The following RPL19 variants were observed in gnomAD, a reference collection of about 807,000 sequenced individuals.
The protein encoded by RPL19 is large ribosomal subunit protein eL19.
A neutral mutation model predicts 25.1 loss-of-function variants in RPL19; 2 were observed. The ratio of observed to expected loss-of-function variants is 0.08; its 90% CI spans 0.03 to 0.25. The LOEUF is 0.25. Ranked by LOEUF, RPL19 falls within the 10% of genes least tolerant of loss-of-function variation. The pLI is 1.00. For synonymous variants in RPL19, 89 were observed against 91.2 expected (o/e 0.98, Z 0.14); for missense variants, 123 against 271.8 (o/e 0.45, Z 3.85).
At chr17:39,203,649 C>T (rs1223425920) in intron 4 of RPL19, among the ~76,000 whole-genome samples, 1 of 151,920 alleles carries the variant, frequency 6.6e-6, no homozygotes, top group Non-Finnish European at 1.5e-5. Context: ...CCTGGGATTA[C>T]AGGCATGTAC....
intron 3 of RPL19, 149 bp from the exon 4 acceptor site, chr17:39,202,840 A>G (rs1281472419): frequency 4.7e-6 from 4 of 848,836 alleles, no homozygotes; most frequent in Admixed American, 2.6e-5. Flanking sequence ...AGTTGGGATC[A>G]TCATCTGGAA....
chr17:39,200,522 G>A (rs370286974), intron 1 of RPL19, 173 bp downstream of exon 1: 30 of 1,299,068 alleles, frequency 2.3e-5, no homozygotes, highest in Admixed American at 3.8e-5. Flanking sequence ...AGTGAGGGGG[G>A]GCGGGGAGCG....
chr17:39,202,752 C>T (rs2046300094), intron 3 of RPL19: 2 of 606,348 alleles, frequency 3.3e-6, no homozygotes, highest in Non-Finnish European at 5.8e-6. Flanking sequence ...GTTACACCCA[C>T]ATTCTGCATG....
intron 5 of RPL19, 119 bp from the exon 6 acceptor site, chr17:39,204,406 C>A: frequency 7.8e-7 from 1 of 1,278,100 alleles, no homozygotes; most frequent in Non-Finnish European, 1.1e-6. Flanking sequence ...CTTTGGTGGG[C>A]CCAGCAACTC....
Position 39,200,325 on chromosome 17 carries a change from T to A in RPL19, c.-20T>A. On this transcript the variant is annotated 5_prime_UTR_variant, in exon 1 of 6. Transcript: ENST00000225430. ...CCGGGCCCGAGCGAGCTCTTTCCTT[T>A]CGCTGCTGCGGCCGCAGCCATGAGG... 1 of 1,554,200 alleles carries A rather than the reference T, an allele frequency of 6.4e-7. No individual in the cohort carries two copies. Among genetic ancestry groups the A allele is most frequent in the Non-Finnish European group, 8.7e-7 (1 of 1,151,588 alleles).
chr17:39,202,940 A>G (rs2144210170), intron 3 of RPL19, 49 bp from the exon 4 acceptor site: 1 of 1,610,422 alleles, frequency 6.2e-7, no homozygotes, highest in Non-Finnish European at 8.5e-7. Flanking sequence ...GTGTACTTAT[A>G]CACAGTGGGC....
intron 3 of RPL19, 172 bp from the exon 4 acceptor site, chr17:39,202,817 A>G: frequency 1.4e-6 from 1 of 713,414 alleles, no homozygotes. Context: ...TGAGTAAACG[A>G]AAGAACTTAC....
chr17:39,202,127 CTGTT>C (rs1375196676), intron 2 of RPL19, among the ~76,000 whole-genome samples, 186 bp from the exon 3 acceptor site: 3 of 152,154 alleles, frequency 2.0e-5, no homozygotes, highest in African/African-American at 4.8e-5. Context: ...CTCACAACCT[CTGTT>C]TGTGAAGGAA....
In RPL19 at chr17:39,204,653, T is replaced by TCC. The variant is rs780094605; in HGVS notation, c.*7_*8dup. The TCC allele has an allele frequency of 6.2e-7, 1 of 1,613,436 alleles. No individual in the cohort carries two copies. The highest frequency in any genetic ancestry group is 8.5e-7 in the Non-Finnish European group (1 of 1,179,614). ...GAGGAAGAGACCAAGAAATAAAACC[T>TCC]CCCACTTTGTCTGTACATACTGGCC... On this transcript the variant is annotated 3_prime_UTR_variant, in exon 6 of 6. Coordinates refer to ENST00000225430, the MANE Select transcript of RPL19 (RefSeq NM_000981.4).
intron 2 of RPL19, 111 bp from the exon 3 acceptor site, chr17:39,202,206 T>C (rs1384523671): frequency 1.5e-6 from 2 of 1,360,752 alleles, no homozygotes; most frequent in Non-Finnish European, 2.0e-6. Flanking sequence ...TTTCCATCCT[T>C]TTTGAGACCG....
At position 39,201,268 on chromosome 17, in the gene RPL19, A is replaced by G. The variant is rs1168491573; in HGVS notation, c.61A>G (p.Lys21Glu). The G allele has an allele frequency of 6.2e-7, 1 of 1,613,534 alleles. No homozygotes were observed. ...TAGTGTCCTCCGCTGTGGCAAGAAG[A>G]AGGTCTGGTTAGACCCCAATGAGAC... is the stretch of plus-strand genomic sequence containing the variant. ...ASSVLRCGKK[K>E]VWLDPNETNE... Residue 21 changes from lysine (K) to glutamate (E), a missense_variant, in exon 2 of 6, where the codon AAG (lysine) becomes GAG (glutamate). By Grantham distance (56) the Lys-to-Glu change is moderately conservative. Coordinates refer to ENST00000225430, the MANE Select transcript of RPL19 (RefSeq NM_000981.4).
chr17:39,202,582 C>A, intron 3 of RPL19, 143 bp downstream of exon 3: 1 of 1,076,120 alleles, frequency 9.3e-7, no homozygotes, highest in Non-Finnish European at 1.3e-6. Flanking sequence ...GTGTGCAAAT[C>A]AGAAAGTTGG....
chr17:39,203,652 G>A (rs1332797980), intron 4 of RPL19, among the ~76,000 whole-genome samples: 2 of 151,768 alleles, frequency 1.3e-5, no homozygotes, highest in African/African-American at 4.8e-5. Context: ...GGGATTACAG[G>A]CATGTACTAC....
intron 1 of RPL19, 73 bp from the exon 2 acceptor site, chr17:39,201,140 A>C (rs183732775): frequency 5.3e-6 from 5 of 943,522 alleles, no homozygotes; most frequent in Non-Finnish European, 5.1e-6. Flanking sequence ...CACAAAGGGC[A>C]GGTCTTGATG....
chr17:39,203,428 G>A (rs1419790586), intron 4 of RPL19, among the ~76,000 whole-genome samples: 2 of 151,426 alleles, frequency 1.3e-5, no homozygotes, highest in African/African-American at 4.9e-5. Flanking sequence ...TGATCCGCCC[G>A]CCTTGGCCTC....
At chr17:39,202,837 A>C (rs1446738679) in intron 3 of RPL19, 152 bp from the exon 4 acceptor site, 22 of 821,638 alleles carry the variant, frequency 2.7e-5, no homozygotes, top group Non-Finnish European at 3.5e-5. Context: ...CGTAGTTGGG[A>C]TCATCATCTG....
In RPL19 at chr17:39,201,273, C is replaced by T; in HGVS notation, c.66C>T (p.Val22=). The change falls in exon 2 of 6, where the codon GTC becomes GTT. Residue 22 remains valine, a synonymous_variant. Transcript: ENST00000225430. ...SSVLRCGKKK[V]WLDPNETNEI... ...TCCTCCGCTGTGGCAAGAAGAAGGT[C>T]TGGTTAGACCCCAATGAGACCAATG... 6.2e-7 allele frequency: 1 copy of T among 1,613,634 alleles called. No homozygotes were observed. Among genetic ancestry groups the T allele is most frequent in the Non-Finnish European group, 8.5e-7 (1 of 1,179,838 alleles).
chr17:39,200,671 G>A, intron 1 of RPL19: 1 of 1,128,274 alleles, frequency 8.9e-7, no homozygotes, highest in Non-Finnish European at 1.1e-6. Flanking sequence ...CACCCGGAGC[G>A]GAGCCGATCT....
At chr17:39,204,266 G>A (rs2046309729) in intron 5 of RPL19, 79 bp downstream of exon 5, 1 of 980,006 alleles carries the variant, frequency 1.0e-6, no homozygotes, top group South Asian at 1.3e-5. Context: ...ATGTGCCAAT[G>A]CCTAAGTCTT....
Sources: allele counts gnomAD v4.1 joint callset (sites outside exome capture counted in the v4.1 genomes callset), GRCh38; gene constraint gnomAD v4.1.1; transcripts MANE v1.5; gene names NCBI Gene and HGNC (gene_info 2026-07-23, HGNC 2026-07-21).